FAM13A: variants seen among roughly 807,000 people sequenced by gnomAD.
FAM13A encodes family with sequence similarity 13 member A.
Under a neutral mutation model 129.6 loss-of-function variants are expected in FAM13A, and 76 were observed. The ratio of observed to expected loss-of-function variants is 0.59; its 90% CI spans 0.49 to 0.71. The LOEUF (loss-of-function observed/expected upper bound fraction) is 0.71, where lower values mean the gene tolerates loss of function less well. Among genes scored for constraint, FAM13A ranks in the 30% least tolerant of loss-of-function variants. The pLI, the probability that FAM13A is intolerant of heterozygous loss-of-function variation, is 0.00. For synonymous variants in FAM13A, 443 were observed against 449.9 expected, an observed-to-expected ratio of 0.98 and a Z score of 0.20; for missense variants, 1,108 against 1,249.3, an observed-to-expected ratio of 0.89 and a Z score of 1.70.
chr4:88,857,194 A>G lies in FAM13A; in HGVS notation c.844-6011T>C, dbSNP rs367822891. On this transcript the variant is annotated intron_variant, in intron 6 of 23. Transcript: ENST00000264344. ...TTTTTTGTAATAGTAAAAATGGGAC[A>G]ATGTTAAACAGTTATAACTAATTAA... Among the ~76,000 whole-genome samples the G allele has an allele frequency of 2.7e-3, 405 of 152,350 alleles. 2 individuals are homozygous for G. Among genetic ancestry groups the G allele is most frequent in the African/African-American group, 8.9e-3 (369 of 41,588 alleles).
chr4:89,013,343 T>TAA (rs1765998058), intron 3 of FAM13A, among the ~76,000 whole-genome samples: 1 of 150,450 alleles, frequency 6.6e-6, no homozygotes, highest in East Asian at 1.9e-4. Context: ...TACATATATA[T>TAA]AAAATGTATA....
In FAM13A at chr4:89,030,886, T is replaced by C. The variant is rs557597144; in HGVS notation, c.28-1237A>G. The stretch of plus-strand genomic sequence containing the variant: ...TAGGATACTTGTAATCTCAATTTGA[T>C]TTTAAATTGTGTAATCTACAGAATC... On this transcript the variant is annotated intron_variant, in intron 1 of 23. Transcript: ENST00000264344. 9.2e-5 allele frequency among the ~76,000 whole-genome samples: 14 copies of C among 152,316 alleles called. No individual in the cohort carries two copies. The South Asian group carries it at 2.9e-3, about 32-fold the overall frequency.
intron 1 of FAM13A, among the ~76,000 whole-genome samples, chr4:89,056,047 T>C (rs896907090): frequency 2.0e-5 from 3 of 152,128 alleles, no homozygotes; most frequent in Non-Finnish European, 4.4e-5. Flanking sequence ...CTGAGTGTGA[T>C]TTTTTAAGTG....
At chr4:88,932,260 C>T (rs752698325) in intron 5 of FAM13A, among the ~76,000 whole-genome samples, 8 of 152,182 alleles carry the variant, frequency 5.3e-5, no homozygotes, top group Non-Finnish European at 1.2e-4. Flanking sequence ...TGATCTTAAG[C>T]AATTTATCAT....
At chr4:89,019,659 G>A (rs1766974602) in intron 3 of FAM13A, among the ~76,000 whole-genome samples, 1 of 151,264 alleles carries the variant, frequency 6.6e-6, no homozygotes, top group South Asian at 2.1e-4. Flanking sequence ...TACTCAGGAG[G>A]CTGAGGTAGA....
intron 4 of FAM13A, among the ~76,000 whole-genome samples, chr4:88,952,902 C>G (rs189401941): frequency 6.6e-6 from 1 of 151,894 alleles, no homozygotes; most frequent in Non-Finnish European, 1.5e-5. Context: ...GAGTCGAGAT[C>G]GTGCCACTGC....
intron 21 of FAM13A, chr4:88,736,523 C>T (rs1350771028): frequency 6.6e-6 from 1 of 152,212 alleles, no homozygotes; most frequent in Non-Finnish European, 1.5e-5. Flanking sequence ...CTCACTTCTG[C>T]TTCAGGTTTA....
At chr4:88,956,216 C>T (rs6532091) in intron 4 of FAM13A, among the ~76,000 whole-genome samples, 45,189 of 152,018 alleles carry the variant, frequency 0.3, 6,849 homozygotes, top group East Asian at 0.38. Context: ...AGATGCCTGA[C>T]GTAGGTGTAC....
At chr4:89,044,780 T>A (rs1770618664) in intron 1 of FAM13A, among the ~76,000 whole-genome samples, 1 of 152,084 alleles carries the variant, frequency 6.6e-6, no homozygotes, top group South Asian at 2.1e-4. Flanking sequence ...ACAAGATGGA[T>A]GAACCCTGAA....
At chr4:88,782,392 C>T (rs1449551078) in intron 10 of FAM13A, among the ~76,000 whole-genome samples, 2 of 152,068 alleles carry the variant, frequency 1.3e-5, no homozygotes, top group African/African-American at 2.4e-5. Context: ...TTATTCTCCT[C>T]CTTCGTGGTA....
At chr4:88,875,548 C>T (rs1742256734) in intron 6 of FAM13A, among the ~76,000 whole-genome samples, 1 of 152,194 alleles carries the variant, frequency 6.6e-6, no homozygotes, top group Non-Finnish European at 1.5e-5. Context: ...AAATGCTCAT[C>T]ATCACTGGTC....
Position 88,738,998 on chromosome 4 carries a change from T to G in FAM13A, c.2562+32A>C, listed in dbSNP as rs775435079. ...CAGGGCCCATTCAAGCGGAAAGGTG[T>G]TGTACCAGCCACGGGAAGGTATTCT... On this transcript the variant is annotated intron_variant, in intron 20 of 23. Transcript: ENST00000264344. The G allele has an allele frequency of 4.3e-6, 6 of 1,392,272 alleles. No individual in the cohort carries two copies. In the Admixed American group the frequency reaches 5.0e-5, roughly 12 times the overall value. 86.2% of individuals were successfully genotyped at this position (1,392,272 alleles called of 1,614,324 possible).
rs542293787 is a variant in FAM13A at position 88,730,129 on chromosome 4, C to T, written c.2945+1198G>A. On this transcript the variant is annotated intron_variant, in intron 23 of 23. Transcript: ENST00000264344. ...AATTTTTATGGTGCTTTCATTTCCCCAAACTTTCAAGAAGTATAAAAGAGG... is the reference window on the plus strand; with the variant it reads ...AATTTTTATGGTGCTTTCATTTCCCTAAACTTTCAAGAAGTATAAAAGAGG... The T allele has an allele frequency of 6.6e-5, 10 of 152,236 alleles. No individual in the cohort carries two copies. The East Asian group carries it at 1.7e-3, about 26-fold the overall frequency. The allele number at this position is 152,236 out of a possible 1,614,324, so 9.4% of individuals were successfully genotyped here.
intron 3 of FAM13A, among the ~76,000 whole-genome samples, chr4:89,008,426 A>G (rs1765333732): frequency 6.6e-6 from 1 of 152,198 alleles, no homozygotes; most frequent in South Asian, 2.1e-4. Flanking sequence ...TGACATCTGC[A>G]AGGAAAGAAA....
At chr4:88,800,206 C>T (rs529070567) in intron 8 of FAM13A, among the ~76,000 whole-genome samples, 26 of 152,160 alleles carry the variant, frequency 1.7e-4, no homozygotes, top group Admixed American at 7.9e-4. Context: ...TTACAAGATG[C>T]AAAGAGTTCT....
At position 88,997,555 on chromosome 4, in the gene FAM13A, TA is replaced by T. The variant is rs994723473; in HGVS notation, c.428-6406del. 1.4e-3 allele frequency among the ~76,000 whole-genome samples: 153 copies of T among 112,780 alleles called. No individual in the cohort carries two copies. The East Asian group carries it at 0.018, about 14-fold the overall frequency. 74.0% of individuals were successfully genotyped at this position (112,780 alleles called of 152,430 possible). ...CCATGTGACAAATATTTGCTCTCAC[TA>T]AAAAAAAAAAAATTATAATTATAAT... On this transcript the variant is annotated intron_variant, in intron 3 of 23. Coordinates refer to ENST00000264344, the MANE Select transcript of FAM13A (RefSeq NM_014883.4).
intron 14 of FAM13A, among the ~76,000 whole-genome samples, chr4:88,757,138 G>A (rs1376522550): frequency 2.6e-5 from 4 of 152,006 alleles, no homozygotes; most frequent in African/African-American, 9.7e-5. Context: ...TAATAAAATA[G>A]TTTTAAGGAA....
rs185938967 is a variant in FAM13A at position 88,900,188 on chromosome 4, G to T, written c.843+6191C>A. Among the ~76,000 whole-genome samples, 104 of 152,132 alleles carry T rather than the reference G, an allele frequency of 6.8e-4. 1 individual carries two copies. The highest frequency in any genetic ancestry group is 1.8e-3 in the Admixed American group (28 of 15,262). ...GTACCTGAAAGAGATGAGGAAAATG[G>T]AACCAAGTTGGAAAACATACTTCAT... On this transcript the variant is annotated intron_variant, in intron 6 of 23. Transcript: ENST00000264344.
chr4:88,865,134 T>C (rs1158211126), intron 6 of FAM13A, among the ~76,000 whole-genome samples: 2 of 152,218 alleles, frequency 1.3e-5, no homozygotes, highest in Admixed American at 6.5e-5. Flanking sequence ...ATAAAAATTG[T>C]AGTAAATTTT....
Sources: gnomAD v4.1 joint callset for allele counts (sites outside exome capture counted in the v4.1 genomes callset) on GRCh38, gnomAD v4.1.1 for gene constraint, MANE v1.5 for transcripts, NCBI Gene and HGNC (gene_info 2026-07-23, HGNC 2026-07-21) for gene names.